Variants in PAPPA2 observed in about 807,000 individuals in gnomAD.
The protein encoded by PAPPA2 is pappalysin-2.
In PAPPA2, 86 loss-of-function variants were observed where a neutral mutation model predicts 176.4. The observed-to-expected ratio is 0.49, with a 90% CI of 0.41 to 0.58. PAPPA2 has a LOEUF of 0.58. Among genes scored for constraint, PAPPA2 ranks in the 20% least tolerant of loss-of-function variants. The probability of loss-of-function intolerance (pLI) is 0.00; values close to 1 mark genes in which losing one functional copy is unlikely to be tolerated. For missense variants in PAPPA2, 2,073 were observed against 2,256.9 expected, an observed-to-expected ratio of 0.92 and a Z score of 1.65; for synonymous variants, 809 against 852.2, an observed-to-expected ratio of 0.95 and a Z score of 0.88.
intron 3 of PAPPA2, among the ~76,000 whole-genome samples, chr1:176,618,264 C>T (rs966161732): frequency 6.6e-6 from 1 of 152,166 alleles, no homozygotes; most frequent in Non-Finnish European, 1.5e-5. Flanking sequence ...ATGTGTAGTT[C>T]ATATTCTGAG....
intron 3 of PAPPA2, among the ~76,000 whole-genome samples, chr1:176,630,766 C>A (rs1656294395): frequency 6.6e-6 from 1 of 152,018 alleles, no homozygotes; most frequent in South Asian, 2.1e-4. Context: ...ATGGTGAACA[C>A]CATTTGTCAT....
chr1:176,838,232 GA>G (rs1184578026), intron 21 of PAPPA2, among the ~76,000 whole-genome samples: 1 of 152,104 alleles, frequency 6.6e-6, no homozygotes, highest in Non-Finnish European at 1.5e-5. Flanking sequence ...ACTTTAGAAA[GA>G]AAAATTCCTT....
chr1:176,651,262 G>C (rs1558497364), intron 3 of PAPPA2, among the ~76,000 whole-genome samples: 1 of 148,286 alleles, frequency 6.7e-6, no homozygotes, highest in Non-Finnish European at 1.5e-5. Flanking sequence ...GCATATTAGT[G>C]TTTTTTTTTC....
chr1:176,710,730 A>C (rs1351296938), intron 11 of PAPPA2, among the ~76,000 whole-genome samples: 1 of 152,210 alleles, frequency 6.6e-6, no homozygotes, highest in Non-Finnish European at 1.5e-5. Context: ...TAGAATAGGC[A>C]ATACAGCCCT....
At chr1:176,784,386 C>T (rs1424327123) in intron 17 of PAPPA2, among the ~76,000 whole-genome samples, 1 of 152,146 alleles carries the variant, frequency 6.6e-6, no homozygotes, top group Non-Finnish European at 1.5e-5. Context: ...TCAACATCAC[C>T]AAACTAGAAG....
rs775925308 is a variant in PAPPA2 at position 176,557,134 on chromosome 1, G to A, written c.812G>A (p.Arg271Gln). ...PILYFSGRRE[R>Q]LLLRPEVLAE... ...TTATACTTCTCTGGGAGGCGGGAGC[G>A]GCTGCTGCTGCGTCCAGAAGTGCTG... is the stretch of plus-strand genomic sequence containing the variant. The change falls in exon 2 of 23, where the codon CGG (arginine) becomes CAG (glutamine). Residue 271 changes from arginine to glutamine, a missense_variant. Transcript: ENST00000367662. The A allele has an allele frequency of 6.8e-6, 11 of 1,613,730 alleles. No individual in the cohort carries two copies. The highest frequency in any genetic ancestry group is 3.3e-5 in the Admixed American group (2 of 59,960).
At chr1:176,678,301 G>T (rs1282064721) in intron 4 of PAPPA2, among the ~76,000 whole-genome samples, 1 of 151,980 alleles carries the variant, frequency 6.6e-6, no homozygotes, top group African/African-American at 2.4e-5. Context: ...AGTAATTGGG[G>T]CATATAATTT....
intron 3 of PAPPA2, among the ~76,000 whole-genome samples, chr1:176,639,935 A>G (rs150319525): frequency 2.8e-4 from 43 of 151,342 alleles, no homozygotes; most frequent in Non-Finnish European, 5.5e-4. Context: ...CATTTTTTAC[A>G]TTATGTTCAT....
At chr1:176,704,709 T>G (rs1189097424) in intron 9 of PAPPA2, among the ~76,000 whole-genome samples, 1 of 152,196 alleles carries the variant, frequency 6.6e-6, no homozygotes, top group African/African-American at 2.4e-5. Context: ...AACTATAAAT[T>G]TTATAAAGTC....
chr1:176,527,570 C>T, intron 1 of PAPPA2, among the ~76,000 whole-genome samples: 1 of 152,162 alleles, frequency 6.6e-6, no homozygotes, highest in Non-Finnish European at 1.5e-5. Flanking sequence ...ATGTTTTGGG[C>T]TGAATGATTG....
rs998464733 is a variant in PAPPA2 at position 176,690,648 on chromosome 1, C to T, written c.2431+218C>T. On this transcript the variant is annotated intron_variant, in intron 5 of 22. Transcript: ENST00000367662. Reference sequence around the variant, plus strand: ...AAGGTACTTTGTTCACTGAATTCTCCTCTACTAGATATTTTAAAATATACT... The same window carrying T: ...AAGGTACTTTGTTCACTGAATTCTCTTCTACTAGATATTTTAAAATATACT... 12 of 1,362,810 alleles carry T rather than the reference C, an allele frequency of 8.8e-6. No homozygotes were observed. The African/African-American group carries it at 1.6e-4, about 18-fold the overall frequency. 84.4% of individuals were successfully genotyped at this position (1,362,810 alleles called of 1,614,324 possible).
At chr1:176,506,733 A>C (rs1415977289) in intron 1 of PAPPA2, among the ~76,000 whole-genome samples, 4 of 152,130 alleles carry the variant, frequency 2.6e-5, no homozygotes, top group Non-Finnish European at 4.4e-5. Flanking sequence ...ATCATTCATC[A>C]GGGCTAGCAG....
chr1:176,576,137 T>G (rs925597122), intron 2 of PAPPA2, among the ~76,000 whole-genome samples: 2 of 152,222 alleles, frequency 1.3e-5, no homozygotes, highest in African/African-American at 4.8e-5. Context: ...AGGCTGTTTT[T>G]GGCAAATGGT....
At chr1:176,667,607 C>G (rs1658741994) in intron 3 of PAPPA2, among the ~76,000 whole-genome samples, 1 of 152,116 alleles carries the variant, frequency 6.6e-6, no homozygotes, top group African/African-American at 2.4e-5. Context: ...GTGATATTCC[C>G]TTGAAGGAAG....
At chr1:176,528,944 C>A (rs1308719335) in intron 1 of PAPPA2, among the ~76,000 whole-genome samples, 4 of 152,180 alleles carry the variant, frequency 2.6e-5, no homozygotes, top group African/African-American at 9.7e-5. Flanking sequence ...TGATTCCCTG[C>A]AGTTAAAAGC....
chr1:176,821,472 C>CAAAT (rs368123195), intron 21 of PAPPA2, among the ~76,000 whole-genome samples: 43 of 152,302 alleles, frequency 2.8e-4, no homozygotes, highest in African/African-American at 9.9e-4. Context: ...AAATAATCCA[C>CAAAT]AAATATAAAT....
At chr1:176,506,755 A>T (rs568704951) in intron 1 of PAPPA2, among the ~76,000 whole-genome samples, 1 of 152,236 alleles carries the variant, frequency 6.6e-6, no homozygotes, top group Admixed American at 6.6e-5. Flanking sequence ...CTTTTTGTGT[A>T]GTCTTTAGGG....
intron 2 of PAPPA2, among the ~76,000 whole-genome samples, chr1:176,579,550 A>AT (rs1316837015): frequency 2.6e-5 from 4 of 152,042 alleles, no homozygotes; most frequent in Non-Finnish European, 4.4e-5. Flanking sequence ...CAGTCTATAC[A>AT]TTTTTTTGAG....
chr1:176,799,736 A>C (rs1416331194), intron 20 of PAPPA2, among the ~76,000 whole-genome samples: 2 of 152,224 alleles, frequency 1.3e-5, no homozygotes, highest in Non-Finnish European at 2.9e-5. Flanking sequence ...ATTATGCCTG[A>C]AACCAGATGA....
Sources: allele counts gnomAD v4.1 joint callset (sites outside exome capture counted in the v4.1 genomes callset), GRCh38; gene constraint gnomAD v4.1.1; transcripts MANE v1.5; gene names NCBI Gene and HGNC (gene_info 2026-07-23, HGNC 2026-07-21).